ANO10: variants seen among roughly 807,000 people sequenced by gnomAD.
ANO10 encodes anoctamin 10, also known as anoctamin-10.
A neutral mutation model predicts 74.7 loss-of-function variants in ANO10; 77 were observed. The ratio of observed to expected loss-of-function variants is 1.03; its 90% CI spans 0.86 to 1.25. The LOEUF (loss-of-function observed/expected upper bound fraction) is 1.25. Among genes scored for constraint, ANO10 ranks in the 50% most tolerant of loss-of-function variants. The probability of loss-of-function intolerance (pLI) is 0.00; values close to 1 mark genes in which losing one functional copy is unlikely to be tolerated. For missense variants in ANO10, 721 were observed against 778.1 expected, an observed-to-expected ratio of 0.93 and a Z score of 0.87; for synonymous variants, 279 against 284.9, an observed-to-expected ratio of 0.98 and a Z score of 0.21.
chr3:43,636,695 T>C (rs1009248958), intron 1 of ANO10, among the ~76,000 whole-genome samples: 1 of 152,266 alleles, frequency 6.6e-6, no homozygotes, highest in Admixed American at 6.5e-5. Context: ...TCTTGTAATT[T>C]GTACAATATA....
chr3:43,500,969 C>G (rs553666389), intron 11 of ANO10, among the ~76,000 whole-genome samples: 1 of 152,116 alleles, frequency 6.6e-6, no homozygotes, highest in Non-Finnish European at 1.5e-5. Flanking sequence ...GGGCGCTGTA[C>G]GTACAGTTGA....
At chr3:43,392,000 A>G (rs1230319639) in intron 12 of ANO10, among the ~76,000 whole-genome samples, 1 of 152,174 alleles carries the variant, frequency 6.6e-6, no homozygotes, top group Non-Finnish European at 1.5e-5. Flanking sequence ...CTAGTATCAC[A>G]AAAACTCATT....
chr3:43,662,831 G>A (rs1266553067), intron 1 of ANO10, among the ~76,000 whole-genome samples: 9 of 152,070 alleles, frequency 5.9e-5, no homozygotes, highest in Non-Finnish European at 1.2e-4. Context: ...ACCCTCCCAA[G>A]ACTAAACCAG....
chr3:43,600,369 G>C lies in ANO10; in HGVS notation c.337+15C>G, dbSNP rs572257415. ...ATAAATGGATTCTAACAGAGACAAAGAACTTAGGGCTTACCATCAAAACCT... is the reference window on the plus strand; with the variant it reads ...ATAAATGGATTCTAACAGAGACAAACAACTTAGGGCTTACCATCAAAACCT... On this transcript the variant is annotated intron_variant, in intron 3 of 12. Coordinates refer to ENST00000292246, the MANE Select transcript of ANO10 (RefSeq NM_018075.5). 1 of 1,613,458 alleles carries C rather than the reference G, an allele frequency of 6.2e-7. No individual in the cohort carries two copies. Among genetic ancestry groups the C allele is most frequent in the African/African-American group, 1.3e-5 (1 of 74,892 alleles).
intron 1 of ANO10, among the ~76,000 whole-genome samples, chr3:43,608,781 A>AT (rs1449544996): frequency 6.6e-6 from 1 of 152,032 alleles, no homozygotes; most frequent in Non-Finnish European, 1.5e-5. Flanking sequence ...GGGTCTCCCT[A>AT]TGTTGTCCAG....
At chr3:43,500,237 C>T (rs1304469024) in intron 11 of ANO10, among the ~76,000 whole-genome samples, 1 of 152,140 alleles carries the variant, frequency 6.6e-6, no homozygotes, top group Non-Finnish European at 1.5e-5. Context: ...TTTTCCAATA[C>T]AAAATCCTCT....
intron 7 of ANO10, among the ~76,000 whole-genome samples, chr3:43,572,083 C>G (rs910368779): frequency 6.6e-6 from 1 of 152,152 alleles, no homozygotes; most frequent in Non-Finnish European, 1.5e-5. Flanking sequence ...TAAGTTCCCC[C>G]ACCCAACAGA....
At chr3:43,611,811 G>C (rs1420969039) in intron 1 of ANO10, among the ~76,000 whole-genome samples, 1 of 152,074 alleles carries the variant, frequency 6.6e-6, no homozygotes, top group Non-Finnish European at 1.5e-5. Context: ...TAACCAGCAA[G>C]AACAAATATG....
chr3:43,456,191 C>A (rs1442144895), intron 11 of ANO10, among the ~76,000 whole-genome samples: 3 of 152,086 alleles, frequency 2.0e-5, no homozygotes, highest in Admixed American at 2.0e-4. Context: ...AGGAAAAGGA[C>A]GCTACAAAAA....
chr3:43,549,912 T>G, intron 10 of ANO10, 64 bp from the exon 11 acceptor site: 8 of 1,575,676 alleles, frequency 5.1e-6, no homozygotes, highest in Non-Finnish European at 7.0e-6. Context: ...CTCATCCTTT[T>G]TCATGTTATC....
At chr3:43,603,119 T>G (rs2082409868) in intron 2 of ANO10, among the ~76,000 whole-genome samples, 1 of 152,144 alleles carries the variant, frequency 6.6e-6, no homozygotes. Context: ...CTTTCCATTT[T>G]CCCAAAAGTT....
intron 12 of ANO10, among the ~76,000 whole-genome samples, chr3:43,426,393 C>G (rs1012218637): frequency 6.6e-6 from 1 of 152,166 alleles, no homozygotes; most frequent in Non-Finnish European, 1.5e-5. Flanking sequence ...TTTGATAAGG[C>G]CTGGCCCAGT....
intron 11 of ANO10, among the ~76,000 whole-genome samples, chr3:43,547,896 T>C (rs2079271561): frequency 6.6e-6 from 1 of 151,996 alleles, no homozygotes; most frequent in African/African-American, 2.4e-5. Flanking sequence ...AGATGTAGAC[T>C]GTAATGAGCT....
At chr3:43,475,826 T>G (rs971546036) in intron 11 of ANO10, among the ~76,000 whole-genome samples, 14 of 152,138 alleles carry the variant, frequency 9.2e-5, no homozygotes, top group African/African-American at 3.4e-4. Context: ...GGTCTTGAAC[T>G]CCTGACCTCG....
intron 12 of ANO10, among the ~76,000 whole-genome samples, chr3:43,410,933 A>C (rs1192539587): frequency 6.6e-6 from 1 of 151,956 alleles, no homozygotes; most frequent in Non-Finnish European, 1.5e-5. Flanking sequence ...TAATTCCTGA[A>C]TAAACGACTG....
At chr3:43,621,316 T>C (rs2083380411) in intron 1 of ANO10, among the ~76,000 whole-genome samples, 1 of 152,152 alleles carries the variant, frequency 6.6e-6, no homozygotes, top group African/African-American at 2.4e-5. Flanking sequence ...CAGGTATCTA[T>C]TATTTAAACT....
chr3:43,612,178 A>ATG (rs1232734191), intron 1 of ANO10, among the ~76,000 whole-genome samples: 1 of 125,138 alleles, frequency 8.0e-6, no homozygotes, highest in Non-Finnish European at 1.6e-5. Flanking sequence ...ATATATATAT[A>ATG]TATATATGCC....
intron 11 of ANO10, among the ~76,000 whole-genome samples, chr3:43,545,994 C>T (rs1404688273): frequency 6.6e-6 from 1 of 152,196 alleles, no homozygotes; most frequent in Non-Finnish European, 1.5e-5. Context: ...GTCTCAGCAA[C>T]ACTAGAATAG....
chr3:43,395,231 T>A (rs550350123), intron 12 of ANO10, among the ~76,000 whole-genome samples: 1 of 152,334 alleles, frequency 6.6e-6, no homozygotes, highest in South Asian at 2.1e-4. Flanking sequence ...TTCTTTTAGC[T>A]TTCTCATTAT....
Sources: gnomAD v4.1 joint callset for allele counts (sites outside exome capture counted in the v4.1 genomes callset) on GRCh38, gnomAD v4.1.1 for gene constraint, MANE v1.5 for transcripts, NCBI Gene and HGNC (gene_info 2026-07-23, HGNC 2026-07-21) for gene names.